METTL24: variants seen among roughly 807,000 people sequenced by gnomAD.
The protein encoded by METTL24 is probable methyltransferase-like protein 24.
METTL24 carries 29 observed loss-of-function variants against 32.7 expected under a neutral mutation model. The ratio of observed to expected loss-of-function variants is 0.89; its 90% CI spans 0.66 to 1.21. METTL24 has a LOEUF of 1.21. METTL24 is among the 50% of genes most tolerant of loss of function. The pLI, the probability that METTL24 is intolerant of heterozygous loss-of-function variation, is 0.00. For missense variants in METTL24, 439 were observed against 468.1 expected (o/e 0.94, Z 0.57); for synonymous variants, 163 against 179.5 (o/e 0.91, Z 0.73).
chr6:110,282,471 G>T (rs114324242), intron 4 of METTL24, among the ~76,000 whole-genome samples: 2,935 of 152,130 alleles, frequency 0.019, 89 homozygotes, highest in African/African-American at 0.068. Flanking sequence ...AGTCTTTCAT[G>T]AAAGGTATCA....
At position 110,288,489 on chromosome 6, in the gene METTL24, C is replaced by T. The variant is rs913242019; in HGVS notation, c.786+10433G>A. Among the ~76,000 whole-genome samples, 6 of 152,114 alleles carry T rather than the reference C, an allele frequency of 3.9e-5. No homozygotes were observed. In the East Asian group the frequency reaches 5.8e-4, roughly 15 times the overall value. Reference sequence around the variant, plus strand: ...TTTAAAAATGTAACAAACAAACCTACGACAACTGGCTCACAAGTCTATGGA... The same window carrying T: ...TTTAAAAATGTAACAAACAAACCTATGACAACTGGCTCACAAGTCTATGGA... On this transcript the variant is annotated intron_variant, in intron 4 of 4. Coordinates refer to ENST00000338882, the MANE Select transcript of METTL24 (RefSeq NM_001123364.3).
chr6:110,269,983 T>A (rs964975639), intron 4 of METTL24, among the ~76,000 whole-genome samples: 3 of 152,162 alleles, frequency 2.0e-5, no homozygotes, highest in Admixed American at 2.0e-4. Flanking sequence ...GTCTAATAGT[T>A]AAAGTAAAAA....
At chr6:110,265,187 AAGAAAGAAAG>A (rs1770833127) in intron 4 of METTL24, among the ~76,000 whole-genome samples, 2 of 121,844 alleles carry the variant, frequency 1.6e-5, no homozygotes, top group African/African-American at 6.5e-5. Context: ...GAAAGAAAGA[AAGAAAGAAAG>A]AAAGTTAATA....
At chr6:110,322,009 T>G (rs183983305) in intron 2 of METTL24, among the ~76,000 whole-genome samples, 294 of 152,246 alleles carry the variant, frequency 1.9e-3, no homozygotes, top group Non-Finnish European at 3.0e-3. Flanking sequence ...GAGCTGCTAA[T>G]TTGCTAGCAC....
At chr6:110,265,857 TTCCTCC>T (rs370778447) in intron 4 of METTL24, among the ~76,000 whole-genome samples, 2 of 151,740 alleles carry the variant, frequency 1.3e-5, no homozygotes, top group Non-Finnish European at 2.9e-5. Flanking sequence ...CCTCTTCCTC[TTCCTCC>T]TCCTCCTCCT....
At position 110,245,980 on chromosome 6, in the gene METTL24, T is replaced by C. The variant is rs1157811025; in HGVS notation, c.1067A>G (p.Tyr356Cys). The change falls in exon 5 of 5, where the codon TAT becomes TGT. Residue 356 changes from tyrosine (Y) to cysteine (C), a missense_variant. Coordinates refer to ENST00000338882, the MANE Select transcript of METTL24 (RefSeq NM_001123364.3). ...TCTTGTATTCACCCAACTCAGAGTA[T>C]AACAGCTACTTGCATTGAAAATGTC... is the stretch of plus-strand genomic sequence containing the variant. The part of the protein sequence containing the change: ...KKDIFNASSC[Y>C]TLSWVNTRWK 1.9e-6 allele frequency: 3 copies of C among 1,613,944 alleles called. No individual in the cohort carries two copies. Among genetic ancestry groups the C allele is most frequent in the Admixed American group, 1.7e-5 (1 of 60,006 alleles).
chr6:110,256,329 A>T (rs1778384100), intron 4 of METTL24, among the ~76,000 whole-genome samples: 2 of 152,198 alleles, frequency 1.3e-5, no homozygotes, highest in South Asian at 2.1e-4. Flanking sequence ...GTCATATAAG[A>T]TATGAGTCCC....
intron 4 of METTL24, among the ~76,000 whole-genome samples, chr6:110,295,091 T>C (rs1397941405): frequency 7.0e-6 from 1 of 142,612 alleles, no homozygotes; most frequent in Non-Finnish European, 1.5e-5. Context: ...GGAGCAATCA[T>C]GGCTCACTGC....
intron 4 of METTL24, among the ~76,000 whole-genome samples, chr6:110,287,196 CT>C (rs1771237974): frequency 6.6e-6 from 1 of 152,154 alleles, no homozygotes; most frequent in African/African-American, 2.4e-5. Context: ...CAAATCTCAC[CT>C]TTATGGATGA....
chr6:110,329,051 A>T (rs1420781822), intron 1 of METTL24, among the ~76,000 whole-genome samples: 1 of 152,238 alleles, frequency 6.6e-6, no homozygotes, highest in South Asian at 2.1e-4. Context: ...TCAAGGCTAC[A>T]GTCCTTTGGA....
At chr6:110,280,981 C>T (rs1191979239) in intron 4 of METTL24, among the ~76,000 whole-genome samples, 2 of 152,098 alleles carry the variant, frequency 1.3e-5, no homozygotes, top group Non-Finnish European at 2.9e-5. Flanking sequence ...TAGTAGTTAT[C>T]TTAGCAGCAG....
At chr6:110,273,335 A>G (rs1459905551) in intron 4 of METTL24, among the ~76,000 whole-genome samples, 1 of 152,178 alleles carries the variant, frequency 6.6e-6, no homozygotes, top group Non-Finnish European at 1.5e-5. Flanking sequence ...CTGCTAAAGC[A>G]CAAAATTTTC....
chr6:110,270,942 A>T (rs770649962), intron 4 of METTL24, among the ~76,000 whole-genome samples: 7 of 148,782 alleles, frequency 4.7e-5, no homozygotes, highest in Non-Finnish European at 1.0e-4. Flanking sequence ...GGTTCAAGTG[A>T]TTCTCCTGCC....
At chr6:110,335,646 T>G (rs1772211628) in intron 1 of METTL24, among the ~76,000 whole-genome samples, 1 of 148,986 alleles carries the variant, frequency 6.7e-6, no homozygotes, top group African/African-American at 2.5e-5. Context: ...AGGCTAGACT[T>G]GAACTCCTGG....
chr6:110,328,702 C>T (rs576406433), intron 1 of METTL24, among the ~76,000 whole-genome samples: 3 of 152,234 alleles, frequency 2.0e-5, no homozygotes, highest in South Asian at 2.1e-4. Context: ...TTTTAAAATA[C>T]TCCTTTGCCT....
chr6:110,305,177 C>G (rs570234550), intron 3 of METTL24, among the ~76,000 whole-genome samples: 5 of 152,202 alleles, frequency 3.3e-5, no homozygotes, highest in Admixed American at 3.3e-4. Context: ...AAAATTAACT[C>G]AAGATGGGTT....
intron 1 of METTL24, among the ~76,000 whole-genome samples, chr6:110,339,982 T>C (rs1308113702): frequency 6.6e-6 from 1 of 152,204 alleles, no homozygotes; most frequent in African/African-American, 2.4e-5. Flanking sequence ...TTTATATTTA[T>C]TTTCTCAAGA....
chr6:110,322,369 G>C (rs901185013), intron 2 of METTL24, among the ~76,000 whole-genome samples: 3 of 152,206 alleles, frequency 2.0e-5, no homozygotes, highest in Non-Finnish European at 2.9e-5. Flanking sequence ...TGTGACAGAA[G>C]AGTGGAAAGG....
At chr6:110,263,508 G>A (rs1414338419) in intron 4 of METTL24, among the ~76,000 whole-genome samples, 1 of 152,152 alleles carries the variant, frequency 6.6e-6, no homozygotes, top group Non-Finnish European at 1.5e-5. Flanking sequence ...ATGCTCATGG[G>A]TAGGAATAAT....
Sources: allele counts gnomAD v4.1 joint callset (sites outside exome capture counted in the v4.1 genomes callset), GRCh38; gene constraint gnomAD v4.1.1; transcripts MANE v1.5; gene names NCBI Gene and HGNC (gene_info 2026-07-23, HGNC 2026-07-21).